The following TRAK2 variants were observed in gnomAD, a reference collection of about 807,000 sequenced individuals.
TRAK2 encodes trafficking kinesin-binding protein 2.
A neutral mutation model predicts 104.6 loss-of-function variants in TRAK2; 81 were observed. The observed-to-expected ratio is 0.77, with a 90% CI of 0.65 to 0.93. The LOEUF is 0.93. Ranked by LOEUF, TRAK2 falls within the 40% of genes least tolerant of loss-of-function variation. The pLI is 0.00. For synonymous variants in TRAK2, 406 were observed against 394.4 expected (o/e 1.03, Z -0.35); for missense variants, 1,002 against 1,089.0 (o/e 0.92, Z 1.12).
chr2:201,380,293 T>A lies in TRAK2; in HGVS notation c.*250A>T. On this transcript the variant is annotated 3_prime_UTR_variant, in exon 16 of 16. Coordinates refer to ENST00000332624, the MANE Select transcript of TRAK2 (RefSeq NM_015049.3). Reference sequence around the variant, plus strand: ...TATGTTCAAGACAAGAAAACTCAACTGAAGGAGTATATTAAACCTTTCTTT... The same window carrying A: ...TATGTTCAAGACAAGAAAACTCAACAGAAGGAGTATATTAAACCTTTCTTT... The A allele has an allele frequency of 1.9e-6, 1 of 516,162 alleles. No individual in the cohort carries two copies. Among genetic ancestry groups the A allele is most frequent in the Non-Finnish European group, 3.5e-6 (1 of 289,394 alleles). The allele number at this position is 516,162 out of a possible 1,614,324, so 32.0% of individuals were successfully genotyped here.
chr2:201,380,429 T>G lies in TRAK2; in HGVS notation c.*114A>C, dbSNP rs1052803108. 2.7e-6 allele frequency: 3 copies of G among 1,128,462 alleles called. No individual in the cohort carries two copies. In the African/African-American group the frequency reaches 4.7e-5, roughly 18 times the overall value. The allele number at this position is 1,128,462 out of a possible 1,614,324, so 69.9% of individuals were successfully genotyped here. A position where few individuals can be genotyped will look rare whatever the true frequency, so the allele number is the denominator to read the frequency against. ...CATTCCTCCATTCCCCCTTTCACAT[T>G]CACAACCCTTGTGCAACATTCCTTT... On this transcript the variant is annotated 3_prime_UTR_variant, in exon 16 of 16. Transcript: ENST00000332624.
At chr2:201,415,619 A>G (rs1182614329) in intron 2 of TRAK2, among the ~76,000 whole-genome samples, 1 of 152,212 alleles carries the variant, frequency 6.6e-6, no homozygotes, top group Non-Finnish European at 1.5e-5. Flanking sequence ...CAGATTAGAT[A>G]TTCTCCAGAA....
rs541956654 is a variant in TRAK2, at chr2:201,440,082, T to TA, written c.-200+11267dup. Among the ~76,000 whole-genome samples, 252 of 141,238 alleles carry TA rather than the reference T, an allele frequency of 1.8e-3. 1 individual carries two copies. Among genetic ancestry groups the TA allele is most frequent in the Middle Eastern group, 7.2e-3 (2 of 278 alleles). 92.7% of individuals were successfully genotyped at this position (141,238 alleles called of 152,430 possible). A position where few individuals can be genotyped will look rare whatever the true frequency, so the allele number is the denominator to read the frequency against. ...ACATGTACCCTAAAACTTAAAGTAT[T>TA]AAAAAAAAAAAGTGCCTCTTAAAGA... On this transcript the variant is annotated intron_variant, in intron 1 of 15. Coordinates refer to ENST00000332624, the MANE Select transcript of TRAK2 (RefSeq NM_015049.3).
intron 1 of TRAK2, among the ~76,000 whole-genome samples, chr2:201,440,634 G>A (rs1951913640): frequency 6.6e-6 from 1 of 152,114 alleles, no homozygotes; most frequent in Non-Finnish European, 1.5e-5. Flanking sequence ...ACTGTTAATT[G>A]CTAGGGGAAA....
intron 3 of TRAK2, among the ~76,000 whole-genome samples, chr2:201,406,783 A>G (rs1951598352): frequency 6.6e-6 from 1 of 152,224 alleles, no homozygotes; most frequent in African/African-American, 2.4e-5. Context: ...TCAAATGCAA[A>G]AAGGTCTCCA....
intron 10 of TRAK2, among the ~76,000 whole-genome samples, chr2:201,392,092 A>G (rs1350360338): frequency 6.6e-6 from 1 of 152,192 alleles, no homozygotes; most frequent in African/African-American, 2.4e-5. Flanking sequence ...CTACGGGGTA[A>G]TAAGGTATAT....
chr2:201,405,952 C>G (rs1002995729), intron 3 of TRAK2, among the ~76,000 whole-genome samples: 3 of 152,166 alleles, frequency 2.0e-5, no homozygotes, highest in African/African-American at 7.2e-5. Flanking sequence ...CCACTATACT[C>G]CAGCCTGGGC....
chr2:201,381,541 TAC>T (rs1256196608), intron 15 of TRAK2, among the ~76,000 whole-genome samples: 1 of 152,194 alleles, frequency 6.6e-6, no homozygotes, highest in African/African-American at 2.4e-5. Context: ...TCTGTAGAAA[TAC>T]AGTTAAATTT....
chr2:201,443,484 G>C (rs982249056), intron 1 of TRAK2, among the ~76,000 whole-genome samples: 6 of 152,066 alleles, frequency 3.9e-5, no homozygotes, highest in Non-Finnish European at 8.8e-5. Context: ...ACCACGTTTT[G>C]TATTGTTCTT....
chr2:201,440,477 C>T (rs967641039), intron 1 of TRAK2, among the ~76,000 whole-genome samples: 11 of 152,176 alleles, frequency 7.2e-5, no homozygotes, highest in Admixed American at 1.3e-4. Context: ...AGCTGGCTTT[C>T]TCCTCCTCCT....
At chr2:201,393,632 A>G (rs1951468379) in intron 9 of TRAK2, among the ~76,000 whole-genome samples, 1 of 152,192 alleles carries the variant, frequency 6.6e-6, no homozygotes, top group Admixed American at 6.5e-5. Flanking sequence ...CAGAATCACC[A>G]GGGTTGAAGA....
chr2:201,443,938 C>T (rs1438241317), intron 1 of TRAK2, among the ~76,000 whole-genome samples: 1 of 152,138 alleles, frequency 6.6e-6, no homozygotes, highest in African/African-American at 2.4e-5. Context: ...CAGTGGCTCA[C>T]GCCTGTAATC....
chr2:201,426,240 C>G (rs1399906546), intron 1 of TRAK2, among the ~76,000 whole-genome samples: 1 of 152,114 alleles, frequency 6.6e-6, no homozygotes, highest in Non-Finnish European at 1.5e-5. Flanking sequence ...GCATTAGATT[C>G]TCATAGGAGC....
chr2:201,410,540 C>T (rs1951636460), intron 2 of TRAK2: 1 of 1,113,098 alleles, frequency 9.0e-7, no homozygotes. Flanking sequence ...TCAAAATAGA[C>T]ACCTCACCCA....
At chr2:201,444,396 G>A (rs1951949339) in intron 1 of TRAK2, among the ~76,000 whole-genome samples, 1 of 151,582 alleles carries the variant, frequency 6.6e-6, no homozygotes. Context: ...CAGAGACACA[G>A]ACCTTTTGTT....
chr2:201,402,790 T>A (rs906777338), intron 3 of TRAK2, among the ~76,000 whole-genome samples: 3 of 152,110 alleles, frequency 2.0e-5, no homozygotes, highest in Non-Finnish European at 1.5e-5. Flanking sequence ...TAAACCCAAA[T>A]GTAATATAGA....
chr2:201,449,520 T>C (rs1951993594), intron 1 of TRAK2, among the ~76,000 whole-genome samples: 1 of 150,382 alleles, frequency 6.6e-6, no homozygotes, highest in Non-Finnish European at 1.5e-5. Context: ...GTTTCACTCT[T>C]GTTGCCCAGA....
intron 2 of TRAK2, among the ~76,000 whole-genome samples, chr2:201,418,554 T>C (rs989900588): frequency 6.6e-6 from 1 of 152,158 alleles, no homozygotes; most frequent in Non-Finnish European, 1.5e-5. Context: ...AATAAGACAA[T>C]GTGGTATTTC....
In TRAK2 at chr2:201,380,248, A is replaced by G. The variant is rs1304553154; in HGVS notation, c.*295T>C. The G allele has an allele frequency of 7.4e-6, 3 of 405,204 alleles. No homozygotes were observed. Among genetic ancestry groups the G allele is most frequent in the Non-Finnish European group, 9.0e-6 (2 of 222,748 alleles). The allele number at this position is 405,204 out of a possible 1,614,324, so 25.1% of individuals were successfully genotyped here. A position where few individuals can be genotyped will look rare whatever the true frequency, so the allele number is the denominator to read the frequency against. ...TCTCTGTATGTTTTAGTATTACTGA[A>G]TTTATTTGTATTCACTTTTTATGTT... On this transcript the variant is annotated 3_prime_UTR_variant, in exon 16 of 16. Transcript: ENST00000332624.
Sources: gnomAD v4.1 joint callset for allele counts (sites outside exome capture counted in the v4.1 genomes callset) on GRCh38, gnomAD v4.1.1 for gene constraint, MANE v1.5 for transcripts, NCBI Gene and HGNC (gene_info 2026-07-23, HGNC 2026-07-21) for gene names.